TENM2: variants seen among roughly 807,000 people sequenced by gnomAD.
The protein encoded by TENM2 is teneurin transmembrane protein 2.
A neutral mutation model predicts 245.2 loss-of-function variants in TENM2; 52 were observed. The observed-to-expected ratio is 0.21, with a 90% CI of 0.17 to 0.27. The LOEUF (loss-of-function observed/expected upper bound fraction) is 0.27, where lower values mean the gene tolerates loss of function less well. Among genes scored for constraint, TENM2 ranks in the 10% least tolerant of loss-of-function variants. The pLI is 1.00. For synonymous variants in TENM2, 1,363 were observed against 1,438.9 expected (o/e 0.95, Z 1.19); for missense variants, 3,046 against 3,666.8 (o/e 0.83, Z 4.37).
intron 2 of TENM2, among the ~76,000 whole-genome samples, chr5:167,748,256 C>T (rs778393694): frequency 2.0e-5 from 3 of 152,058 alleles, no homozygotes; most frequent in South Asian, 2.1e-4. Context: ...TTTTGTGGTA[C>T]GGATTGAAAA....
intron 2 of TENM2, among the ~76,000 whole-genome samples, chr5:167,706,233 T>G (rs888647209): frequency 1.4e-5 from 2 of 146,038 alleles, no homozygotes; most frequent in Non-Finnish European, 3.0e-5. Context: ...TATATTATAT[T>G]ATTATATAGT....
intron 2 of TENM2, among the ~76,000 whole-genome samples, chr5:167,772,373 G>C (rs1301674327): frequency 6.6e-6 from 1 of 152,094 alleles, no homozygotes; most frequent in African/African-American, 2.4e-5. Context: ...ATGTCAGTTG[G>C]GTGAGCTTTT....
intron 2 of TENM2, among the ~76,000 whole-genome samples, chr5:167,710,128 C>T (rs759789545): frequency 3.9e-5 from 6 of 152,050 alleles, no homozygotes; most frequent in Non-Finnish European, 8.8e-5. Context: ...ATAAAATTTA[C>T]CAGTAACAAT....
intron 20 of TENM2, 60 bp downstream of exon 22, chr5:168,211,814 G>C: frequency 1.8e-6 from 2 of 1,118,826 alleles, no homozygotes; most frequent in Non-Finnish European, 2.5e-6. Flanking sequence ...CCTTGTGTTT[G>C]CTTTTTTTGT....
chr5:167,427,114 G>A (rs1763874658), intron 2 of TENM2, among the ~76,000 whole-genome samples: 1 of 152,088 alleles, frequency 6.6e-6, no homozygotes, highest in Non-Finnish European at 1.5e-5. Flanking sequence ...GGAAGAGAGG[G>A]AGGGAGAAAG....
rs574719559 is a variant in TENM2 at position 168,056,705 on chromosome 5, TAAAC to T, written c.1310-5351_1310-5348del. Among the ~76,000 whole-genome samples, 14 of 152,338 alleles carry T rather than the reference TAAAC, an allele frequency of 9.2e-5. No homozygotes were observed. In the South Asian group the frequency reaches 1.5e-3, roughly 16 times the overall value. ...TTCACTCACCACTCACTCACTGACT[TAAAC>T]AAAGCAACTTCCAGTCCTGCAAATT... is the stretch of plus-strand genomic sequence containing the variant. On this transcript the variant is annotated intron_variant, in intron 6 of 28. Transcript: ENST00000518659.
intron 2 of TENM2, among the ~76,000 whole-genome samples, chr5:167,731,087 A>T (rs185860332): frequency 6.6e-6 from 1 of 152,236 alleles, no homozygotes. Context: ...AAGGCAACAT[A>T]CACCTGATCA....
At chr5:167,472,033 G>A (rs1188588566) in intron 2 of TENM2, among the ~76,000 whole-genome samples, 1 of 152,144 alleles carries the variant, frequency 6.6e-6, no homozygotes, top group Non-Finnish European at 1.5e-5. Flanking sequence ...TAGACCATTA[G>A]TGGTTTCTGG....
chr5:167,438,268 T>C (rs1459682631), intron 2 of TENM2, among the ~76,000 whole-genome samples: 2 of 152,222 alleles, frequency 1.3e-5, no homozygotes, highest in Admixed American at 6.5e-5. Flanking sequence ...TTATGTTTTC[T>C]TCCTCTTTAT....
intron 2 of TENM2, among the ~76,000 whole-genome samples, chr5:167,844,024 G>A (rs538593526): frequency 6.6e-6 from 1 of 152,264 alleles, no homozygotes; most frequent in South Asian, 2.1e-4. Flanking sequence ...AATCTTTATA[G>A]TGAAGATATA....
intron 2 of TENM2, among the ~76,000 whole-genome samples, chr5:167,411,252 G>A (rs1762891775): frequency 6.6e-6 from 1 of 152,036 alleles, no homozygotes. Flanking sequence ...CTTGACTTTT[G>A]CATGGGATAT....
chr5:168,009,514 C>T lies in TENM2; in HGVS notation c.1186+16332C>T, dbSNP rs912112082. Among the ~76,000 whole-genome samples the T allele has an allele frequency of 3.3e-5, 5 of 152,150 alleles. No homozygotes were observed. In the East Asian group the frequency reaches 7.7e-4, roughly 23 times the overall value. ...GTGCCTTTGCCCTCCTCCCCCCGCC[C>T]TCTCTCTCCACCACACTGAAGTCTC... On this transcript the variant is annotated intron_variant, in intron 5 of 28. Transcript: ENST00000518659.
chr5:167,153,666 A>AATAT, the TENM2 span, among the ~76,000 whole-genome samples: 669 of 148,812 alleles, frequency 4.5e-3, 7 homozygotes, highest in African/African-American at 0.016. Flanking sequence ...TATGGCTTTA[A>AATAT]ATATATATAT....
chr5:168,029,013 T>C (rs908938999), intron 5 of TENM2, among the ~76,000 whole-genome samples: 2 of 152,184 alleles, frequency 1.3e-5, no homozygotes, highest in Admixed American at 6.5e-5. Context: ...TGCCAGAGGC[T>C]GACTAGCTTT....
intron 2 of TENM2, among the ~76,000 whole-genome samples, chr5:167,481,812 CA>C (rs1171832379): frequency 6.6e-6 from 1 of 152,132 alleles, no homozygotes; most frequent in Non-Finnish European, 1.5e-5. Context: ...ACTGGTATTA[CA>C]AAAAATTATG....
chr5:167,781,821 A>G (rs1267451732), intron 2 of TENM2, among the ~76,000 whole-genome samples: 1 of 151,004 alleles, frequency 6.6e-6, no homozygotes, highest in Non-Finnish European at 1.5e-5. Flanking sequence ...GTTCAAGACC[A>G]GTCTGGACAA....
At chr5:168,117,383 C>T (rs933888557) in intron 9 of TENM2, among the ~76,000 whole-genome samples, 2 of 152,190 alleles carry the variant, frequency 1.3e-5, no homozygotes, top group South Asian at 2.1e-4. Context: ...TCAGGGGATA[C>T]ATTCCAAGAC....
intron 2 of TENM2, among the ~76,000 whole-genome samples, chr5:167,483,429 GGTATGTGTGTGT>G (rs1196196688): frequency 6.6e-6 from 1 of 152,088 alleles, no homozygotes; most frequent in Non-Finnish European, 1.5e-5. Flanking sequence ...TTTCTGTGTG[GGTATGTGTGTGT>G]GCACATAAAA....
the TENM2 span, among the ~76,000 whole-genome samples, chr5:167,151,763 C>T: frequency 3.9e-4 from 60 of 152,270 alleles, no homozygotes; most frequent in Non-Finnish European, 5.7e-4. Flanking sequence ...GTGATCCACC[C>T]GCCTCGGCCT....
Sources: allele counts gnomAD v4.1 joint callset (sites outside exome capture counted in the v4.1 genomes callset), GRCh38; gene constraint gnomAD v4.1.1; transcripts MANE v1.5; gene names NCBI Gene and HGNC (gene_info 2026-07-23, HGNC 2026-07-21).